LUZP2: variants seen among roughly 807,000 people sequenced by gnomAD.
LUZP2 encodes the protein leucine zipper protein 2.
Under a neutral mutation model 51.6 loss-of-function variants are expected in LUZP2, and 52 were observed. The ratio of observed to expected loss-of-function variants is 1.01; its 90% CI spans 0.81 to 1.27. LUZP2 has a LOEUF of 1.27. Ranked by LOEUF, LUZP2 falls within the 50% of genes most tolerant of loss-of-function variation. The probability of loss-of-function intolerance (pLI) is 0.00; values close to 1 mark genes in which losing one functional copy is unlikely to be tolerated. For synonymous variants in LUZP2, 154 were observed against 137.3 expected (o/e 1.12, Z -0.85); for missense variants, 436 against 395.4 (o/e 1.10, Z -0.87).
At chr11:25,060,611 C>A (rs1858807910) in intron 10 of LUZP2, among the ~76,000 whole-genome samples, 2 of 152,126 alleles carry the variant, frequency 1.3e-5, no homozygotes, top group South Asian at 4.1e-4. Context: ...AGGTAAATAT[C>A]ATTATCATCA....
intron 1 of LUZP2, among the ~76,000 whole-genome samples, chr11:24,682,612 A>ATG (rs1167012974): frequency 6.9e-6 from 1 of 144,350 alleles, no homozygotes; most frequent in Non-Finnish European, 1.5e-5. Context: ...ATATATGTGT[A>ATG]TGTGTATATA....
chr11:24,607,829 A>T (rs1165469767), intron 1 of LUZP2, among the ~76,000 whole-genome samples: 14 of 145,204 alleles, frequency 9.6e-5, no homozygotes, highest in East Asian at 2.0e-4. Flanking sequence ...TCTCTATTTT[A>T]TTTTTTTTTT....
chr11:25,007,056 C>T (rs978356614), intron 9 of LUZP2, among the ~76,000 whole-genome samples: 2 of 152,134 alleles, frequency 1.3e-5, no homozygotes, highest in East Asian at 1.9e-4. Flanking sequence ...TTTGCATTTA[C>T]AAACCTTTAG....
At chr11:24,972,158 A>AAG (rs1304234729) in intron 7 of LUZP2, among the ~76,000 whole-genome samples, 2 of 151,464 alleles carry the variant, frequency 1.3e-5, no homozygotes, top group Non-Finnish European at 2.9e-5. Context: ...AAAAAAAAAA[A>AAG]AAAACACTTG....
At chr11:24,703,865 C>CAAA (rs68058102) in intron 1 of LUZP2, among the ~76,000 whole-genome samples, 1 of 150,486 alleles carries the variant, frequency 6.6e-6, no homozygotes, top group African/African-American at 2.4e-5. Flanking sequence ...AAAAAACGAA[C>CAAA]AAAAAAAAAC....
intron 5 of LUZP2, among the ~76,000 whole-genome samples, chr11:24,829,905 T>A (rs1171982617): frequency 6.6e-6 from 1 of 152,206 alleles, no homozygotes; most frequent in African/African-American, 2.4e-5. Flanking sequence ...GAAACTTGTA[T>A]CTAGTTTTAC....
chr11:24,882,761 C>G (rs1221520564), intron 5 of LUZP2, among the ~76,000 whole-genome samples: 1 of 125,984 alleles, frequency 7.9e-6, no homozygotes, highest in Non-Finnish European at 1.7e-5. Context: ...TAACTCATTG[C>G]TTTTTAGTGC....
intron 1 of LUZP2, among the ~76,000 whole-genome samples, chr11:24,672,980 A>T (rs1856446509): frequency 6.6e-6 from 1 of 152,126 alleles, no homozygotes; most frequent in Admixed American, 6.5e-5. Context: ...CCTGAACCCT[A>T]TTGTGAATGG....
At chr11:25,008,483 G>A (rs1239861768) in intron 9 of LUZP2, among the ~76,000 whole-genome samples, 1 of 152,176 alleles carries the variant, frequency 6.6e-6, no homozygotes, top group African/African-American at 2.4e-5. Flanking sequence ...CTGCAGTGCA[G>A]CGAATAAGGG....
At chr11:24,720,345 A>G (rs567647356) in intron 1 of LUZP2, among the ~76,000 whole-genome samples, 5 of 152,204 alleles carry the variant, frequency 3.3e-5, no homozygotes, top group Non-Finnish European at 5.9e-5. Flanking sequence ...GATTTTTTCT[A>G]TGAAAATAAA....
At chr11:24,596,783 C>T (rs568107394) in intron 1 of LUZP2, among the ~76,000 whole-genome samples, 10 of 152,246 alleles carry the variant, frequency 6.6e-5, no homozygotes, top group East Asian at 3.9e-4. Context: ...AGGTGTTCTC[C>T]GAGGAGTGGA....
At chr11:24,977,348 T>C (rs1855908575) in intron 8 of LUZP2, among the ~76,000 whole-genome samples, 1 of 151,678 alleles carries the variant, frequency 6.6e-6, no homozygotes, top group Non-Finnish European at 1.5e-5. Context: ...TTAACAGTTG[T>C]TTAAATACAC....
At chr11:24,845,691 T>C (rs1442790447) in intron 5 of LUZP2, among the ~76,000 whole-genome samples, 1 of 152,160 alleles carries the variant, frequency 6.6e-6, no homozygotes, top group Non-Finnish European at 1.5e-5. Context: ...TGATGGTGAA[T>C]GAGTTGCATG....
At chr11:24,759,382 G>C in intron 4 of LUZP2, among the ~76,000 whole-genome samples, 1 of 151,972 alleles carries the variant, frequency 6.6e-6, no homozygotes, top group Admixed American at 6.6e-5. Context: ...AAAATCTGTT[G>C]GGATTCTAAA....
chr11:25,014,182 C>T (rs928737209), intron 9 of LUZP2, among the ~76,000 whole-genome samples: 5 of 152,160 alleles, frequency 3.3e-5, no homozygotes, highest in Non-Finnish European at 1.5e-5. Context: ...CAAGTCTTTG[C>T]TATTGTGAAT....
intron 9 of LUZP2, among the ~76,000 whole-genome samples, chr11:25,017,614 T>G (rs1857194985): frequency 6.6e-6 from 1 of 152,186 alleles, no homozygotes; most frequent in Non-Finnish European, 1.5e-5. Context: ...TTCTTTCGTT[T>G]ATGTATCTTT....
chr11:24,963,265 G>T (rs543286008), intron 7 of LUZP2, among the ~76,000 whole-genome samples: 14 of 152,108 alleles, frequency 9.2e-5, no homozygotes, highest in Admixed American at 3.3e-4. Flanking sequence ...CTCCAGCTGC[G>T]TGCTGGGAGA....
At chr11:24,932,640 A>T (rs1425680542) in intron 7 of LUZP2, among the ~76,000 whole-genome samples, 1 of 151,962 alleles carries the variant, frequency 6.6e-6, no homozygotes, top group Non-Finnish European at 1.5e-5. Flanking sequence ...GGCTGCTCTC[A>T]CTCTCACCAT....
intron 1 of LUZP2, among the ~76,000 whole-genome samples, chr11:24,726,735 A>G (rs1337927280): frequency 6.6e-6 from 1 of 152,140 alleles, no homozygotes; most frequent in African/African-American, 2.4e-5. Context: ...TAATATATAG[A>G]CATGGAAAGT....
Sources: allele counts gnomAD v4.1 joint callset (sites outside exome capture counted in the v4.1 genomes callset), GRCh38; gene constraint gnomAD v4.1.1; transcripts MANE v1.5; gene names NCBI Gene and HGNC (gene_info 2026-07-23, HGNC 2026-07-21).